The following DIP2A variants were observed in gnomAD, a reference collection of about 807,000 sequenced individuals.
DIP2A encodes the protein disco-interacting protein 2 homolog A.
In DIP2A, 85 loss-of-function variants were observed where a neutral mutation model predicts 177.4. That is an observed-to-expected ratio of 0.48 (90% confidence interval 0.40 to 0.57). The LOEUF is 0.57. DIP2A is among the 20% of genes least tolerant of loss of function. DIP2A has a pLI of 0.00. For missense variants in DIP2A, 1,791 were observed against 2,100.2 expected (o/e 0.85, Z 2.88); for synonymous variants, 886 against 881.8 (o/e 1.00, Z -0.08).
At chr21:46,572,168 A>G (rs1408919765), downstream of DIP2A, among the ~76,000 whole-genome samples, 3 of 152,336 alleles carry the variant, frequency 2.0e-5, no homozygotes, top group South Asian at 6.2e-4. Context: ...GTTTATAAAG[A>G]TGTCTAAAAA....
rs2058742276 is a variant in DIP2A at position 46,519,855 on chromosome 21, A to AC, written c.1102+8241_1102+8242insC. On this transcript the variant is annotated intron_variant, in intron 8 of 37. Transcript: ENST00000417564. ...GCCCAGAATTAGAATATTGATCTAG[A>AC]TTTTTTTTTTTTTTTTTTTTTTTTT... Among the ~76,000 whole-genome samples, 5 of 53,018 alleles carry AC rather than the reference A, an allele frequency of 9.4e-5. 1 individual carries two copies. The highest frequency in any genetic ancestry group is 4.4e-4 in the African/African-American group (5 of 11,478). The allele number at this position is 53,018 out of a possible 152,430, so 34.8% of individuals were successfully genotyped here.
chr21:46,524,759 T>G (rs1371836704), intron 8 of DIP2A, among the ~76,000 whole-genome samples: 2 of 152,156 alleles, frequency 1.3e-5, no homozygotes, highest in African/African-American at 4.8e-5. Context: ...CCTGTGTCAG[T>G]AATACCTTGC....
rs990860243 is a variant in DIP2A, at chr21:46,556,721, C to A, written c.3499-218C>A. 32 of 521,990 alleles carry A rather than the reference C, an allele frequency of 6.1e-5. No homozygotes were observed. The highest frequency in any genetic ancestry group is 2.5e-4 in the Admixed American group (7 of 28,448). 32.3% of individuals were successfully genotyped at this position (521,990 alleles called of 1,614,324 possible). A position where few individuals can be genotyped will look rare whatever the true frequency, so the allele number is the denominator to read the frequency against. On this transcript the variant is annotated intron_variant, in intron 29 of 37. Transcript: ENST00000417564. The surrounding 1 kb of genome is among the most constrained non-coding windows in gnomAD (Gnocchi z 4.5). ...AGAAAAAAATTTTAAAAATTCATTA[C>A]CCTGAAATTTTGTTTCAAAGATTTT...
the DIP2A span, among the ~76,000 whole-genome samples, chr21:46,583,695 A>T: frequency 6.6e-6 from 1 of 152,180 alleles, no homozygotes; most frequent in Admixed American, 6.5e-5. Context: ...TGTGTTCATT[A>T]TCACAGGAGG....
In DIP2A at chr21:46,551,640, G is replaced by A; in HGVS notation, c.2846G>A (p.Gly949Glu). 1 of 1,613,882 alleles carries A rather than the reference G, an allele frequency of 6.2e-7. No individual in the cohort carries two copies. Among genetic ancestry groups the A allele is most frequent in the Non-Finnish European group, 8.5e-7 (1 of 1,179,848 alleles). The part of the protein sequence containing the change: ...PKPRQKQPEV[G>E]PASMIVGNLV... Reference sequence around the variant, plus strand: ...AGAGTTCCCCCGTTTCTAGAGGTTGGACCAGCCTCAATGATCGTGGGGAAC... The same window carrying A: ...AGAGTTCCCCCGTTTCTAGAGGTTGAACCAGCCTCAATGATCGTGGGGAAC... Residue 949 changes from glycine (G) to glutamate (E), a missense_variant, in exon 24 of 38, where the codon GGA becomes GAA. Coordinates refer to ENST00000417564, the MANE Select transcript of DIP2A (RefSeq NM_015151.4).
chr21:46,583,354 T>C, the DIP2A span, among the ~76,000 whole-genome samples: 1 of 152,112 alleles, frequency 6.6e-6, no homozygotes, highest in African/African-American at 2.4e-5. Context: ...TATAAACAAC[T>C]AGACCTAACA....
intron 8 of DIP2A, among the ~76,000 whole-genome samples, chr21:46,515,530 A>C (rs1036265664): frequency 2.0e-5 from 3 of 150,700 alleles, no homozygotes; most frequent in Non-Finnish European, 2.9e-5. Flanking sequence ...TATTACTACC[A>C]TTGTGTGTAT....
intron 1 of DIP2A, among the ~76,000 whole-genome samples, chr21:46,473,469 G>C (rs970783899): frequency 3.6e-5 from 5 of 138,494 alleles, no homozygotes; most frequent in Admixed American, 7.1e-5. Context: ...AAAAAAAAAG[G>C]GGGGGGGGCC....
At chr21:46,495,119 C>T (rs554887353) in intron 3 of DIP2A, among the ~76,000 whole-genome samples, 1 of 152,030 alleles carries the variant, frequency 6.6e-6, no homozygotes, top group Non-Finnish European at 1.5e-5. Flanking sequence ...AGGGTCTGTA[C>T]TTCATCTCTC....
intron 23 of DIP2A, 104 bp from the exon 24 acceptor site, chr21:46,551,530 G>A (rs1455971739): frequency 4.2e-6 from 4 of 950,596 alleles, no homozygotes; most frequent in South Asian, 1.6e-5. Context: ...AGAGTTAAAT[G>A]CCTCATTCAA....
intron 8 of DIP2A, among the ~76,000 whole-genome samples, chr21:46,523,156 C>T (rs189444503): frequency 1.0e-3 from 157 of 152,116 alleles, no homozygotes; most frequent in Admixed American, 2.0e-3. Context: ...AACTCCTGAC[C>T]TCAGGTGATC....
At position 46,558,233 on chromosome 21, in the gene DIP2A, T is replaced by G; in HGVS notation, c.3809T>G (p.Val1270Gly). ...AQTGVLRMKG[V>G]NLSCVRTCMV... ...TCACCCCTCCCGCAGATGAAGGGGG[T>G]GAACCTGTCATGTGTGCGCACGTGC... Residue 1270 changes from valine to glycine, a missense_variant, in exon 32 of 38, where the codon GTG (valine) becomes GGG (glycine). By Grantham distance (109) the Val-to-Gly change is moderately radical. Transcript: ENST00000417564. The G allele has an allele frequency of 6.2e-7, 1 of 1,611,524 alleles. No individual in the cohort carries two copies. The highest frequency in any genetic ancestry group is 8.5e-7 in the Non-Finnish European group (1 of 1,179,370).
chr21:46,528,301 A>T (rs2059191930), intron 8 of DIP2A, among the ~76,000 whole-genome samples: 1 of 152,120 alleles, frequency 6.6e-6, no homozygotes, highest in South Asian at 2.1e-4. Context: ...ATTGTTGTAA[A>T]GATTAAAGAA....
rs183625865 is a variant in DIP2A at position 46,463,301 on chromosome 21, C to G, written c.91+4079C>G. Reference sequence around the variant, plus strand: ...TTTGCCTGTTGCTGTAACAAATTACCTTGGACACACCTCACAGCTGATTTT... The same window carrying G: ...TTTGCCTGTTGCTGTAACAAATTACGTTGGACACACCTCACAGCTGATTTT... On this transcript the variant is annotated intron_variant, in intron 1 of 37. Transcript: ENST00000417564. 3.3e-5 allele frequency: 5 copies of G among 152,304 alleles called. 1 individual carries two copies. Among genetic ancestry groups the G allele is most frequent in the Admixed American group, 3.3e-4 (5 of 15,304 alleles). The allele number at this position is 152,304 out of a possible 1,614,324, so 9.4% of individuals were successfully genotyped here. A position where few individuals can be genotyped will look rare whatever the true frequency, so the allele number is the denominator to read the frequency against.
rs141260864 is a variant in DIP2A, at chr21:46,567,280, C to G, written c.4464-90C>G. On this transcript the variant is annotated intron_variant, in intron 37 of 37. Coordinates refer to ENST00000417564, the MANE Select transcript of DIP2A (RefSeq NM_015151.4). ...AGCTGTGTGACATTGGTGGGCTTCA[C>G]TCTTCTTTGTGCCACCCTTTCCCAA... The G allele has an allele frequency of 1.1e-4, 170 of 1,526,048 alleles. 1 individual carries two copies. In the East Asian group the frequency reaches 3.9e-3, roughly 35 times the overall value. The allele number at this position is 1,526,048 out of a possible 1,614,324, so 94.5% of individuals were successfully genotyped here. A position where few individuals can be genotyped will look rare whatever the true frequency, so the allele number is the denominator to read the frequency against.
intron 5 of DIP2A, among the ~76,000 whole-genome samples, chr21:46,503,279 T>A (rs2057756632): frequency 6.9e-6 from 1 of 145,780 alleles, no homozygotes; most frequent in Admixed American, 7.1e-5. Context: ...GCCAAGATTG[T>A]GCCACTGCAC....
At chr21:46,484,004 G>GT (rs2056526480) in intron 1 of DIP2A, among the ~76,000 whole-genome samples, 1 of 152,152 alleles carries the variant, frequency 6.6e-6, no homozygotes, top group South Asian at 2.1e-4. Context: ...TTCCTAGGTG[G>GT]TTTAATTTGT....
At chr21:46,565,392 C>T (rs546764177) in intron 35 of DIP2A, among the ~76,000 whole-genome samples, 6 of 152,214 alleles carry the variant, frequency 3.9e-5, no homozygotes, top group Non-Finnish European at 8.8e-5. Flanking sequence ...GGGTTGCTCC[C>T]GGCCCTCTCT....
chr21:46,577,641 A>T, the DIP2A span, among the ~76,000 whole-genome samples: 1 of 152,070 alleles, frequency 6.6e-6, no homozygotes, highest in Non-Finnish European at 1.5e-5. Flanking sequence ...TATCAATTTT[A>T]AAATAGCTTT....
Sources: gnomAD v4.1 joint callset for allele counts (sites outside exome capture counted in the v4.1 genomes callset) on GRCh38, gnomAD v4.1.1 for gene constraint, Gnocchi (gnomAD v3.1) non-coding constraint, MANE v1.5 for transcripts, NCBI Gene and HGNC (gene_info 2026-07-23, HGNC 2026-07-21) for gene names.